Variants in FBXL2 observed in about 807,000 individuals in gnomAD.
FBXL2 encodes the protein F-box/LRR-repeat protein 2.
A neutral mutation model predicts 69.2 loss-of-function variants in FBXL2; 38 were observed. The ratio of observed to expected loss-of-function variants is 0.55; its 90% CI spans 0.42 to 0.72. FBXL2 has a LOEUF of 0.72. FBXL2 is among the 30% of genes least tolerant of loss of function. The pLI is 0.00. For missense variants in FBXL2, 354 were observed against 520.3 expected (o/e 0.68, Z 3.11); for synonymous variants, 192 against 201.3 (o/e 0.95, Z 0.39).
chr3:33,394,231 G>A (rs1340352640), intron 12 of FBXL2, among the ~76,000 whole-genome samples: 2 of 141,712 alleles, frequency 1.4e-5, no homozygotes, highest in Non-Finnish European at 3.2e-5. Context: ...ATTATTTGTA[G>A]AGACAGGGTT....
At chr3:33,352,372 G>A (rs906304439) in intron 2 of FBXL2, among the ~76,000 whole-genome samples, 1 of 152,102 alleles carries the variant, frequency 6.6e-6, no homozygotes, top group Non-Finnish European at 1.5e-5. Flanking sequence ...AAGAAGTGTA[G>A]GAGAAAATCT....
At chr3:33,407,057 G>A (rs2044446327), downstream of FBXL2, among the ~76,000 whole-genome samples, 1 of 152,170 alleles carries the variant, frequency 6.6e-6, no homozygotes, top group South Asian at 2.1e-4. Flanking sequence ...GGAGTTTGAA[G>A]AAACATATGA....
intron 5 of FBXL2, among the ~76,000 whole-genome samples, chr3:33,368,829 GCCTT>G (rs1279541213): frequency 1.3e-5 from 2 of 151,808 alleles, no homozygotes; most frequent in African/African-American, 4.8e-5. Flanking sequence ...CTTGTGATCC[GCCTT>G]CCTTGGCCTC....
chr3:33,392,552 A>G (rs933971940), downstream of FBXL2: 1 of 1,608,718 alleles, frequency 6.2e-7, no homozygotes, highest in Non-Finnish European at 8.5e-7. Context: ...ACACACACAC[A>G]TGCAAAGTAC....
At chr3:33,322,056 A>T (rs577238407) in intron 2 of FBXL2, among the ~76,000 whole-genome samples, 72 of 139,130 alleles carry the variant, frequency 5.2e-4, no homozygotes, top group African/African-American at 1.6e-3. Flanking sequence ...ACACGTGGTG[A>T]CTAGGTGATT....
At chr3:33,320,121 G>T (rs2038066850) in intron 2 of FBXL2, among the ~76,000 whole-genome samples, 1 of 152,126 alleles carries the variant, frequency 6.6e-6, no homozygotes, top group African/African-American at 2.4e-5. Flanking sequence ...TTAAAAAACT[G>T]ACTCTGAATG....
intron 2 of FBXL2, among the ~76,000 whole-genome samples, chr3:33,345,120 A>G (rs1320383228): frequency 6.6e-6 from 1 of 152,230 alleles, no homozygotes; most frequent in Non-Finnish European, 1.5e-5. Context: ...CACAAACTGG[A>G]TGACTTAAAA....
chr3:33,421,755 A>T, the FBXL2 span, among the ~76,000 whole-genome samples: 31 of 152,340 alleles, frequency 2.0e-4, no homozygotes, highest in African/African-American at 6.5e-4. Context: ...CTTCATCAAG[A>T]ATGACCATTT....
intron 2 of FBXL2, among the ~76,000 whole-genome samples, chr3:33,311,155 A>AT (rs1468788583): frequency 6.6e-6 from 1 of 152,158 alleles, no homozygotes; most frequent in East Asian, 1.9e-4. Flanking sequence ...TGATAAGTGT[A>AT]TTGAAGTTTC....
the FBXL2 span, chr3:33,409,392 C>T: frequency 2.5e-6 from 4 of 1,613,748 alleles, no homozygotes; most frequent in African/African-American, 2.7e-5. Context: ...TGCAGACACA[C>T]AGCTTTACAG....
intron 2 of FBXL2, among the ~76,000 whole-genome samples, chr3:33,329,388 C>G (rs1328017511): frequency 6.6e-6 from 1 of 152,002 alleles, no homozygotes; most frequent in Non-Finnish European, 1.5e-5. Context: ...AATAGAACTA[C>G]CATGTGATCC....
At chr3:33,399,512 C>A (rs759553755) in intron 12 of FBXL2, among the ~76,000 whole-genome samples, 1 of 152,124 alleles carries the variant, frequency 6.6e-6, no homozygotes, top group African/African-American at 2.4e-5. Context: ...AACACAACAA[C>A]TTAGGTGGCC....
chr3:33,355,087 A>G (rs1411060114), intron 2 of FBXL2, among the ~76,000 whole-genome samples: 1 of 152,004 alleles, frequency 6.6e-6, no homozygotes, highest in Non-Finnish European at 1.5e-5. Context: ...GCGTCACCAC[A>G]CCTGGCTAAT....
In FBXL2 at chr3:33,297,718, C is replaced by T. The variant is rs2125715536; in HGVS notation, c.58C>T (p.Leu20=). The T allele has an allele frequency of 6.4e-7, 1 of 1,560,338 alleles. No homozygotes were observed. Among genetic ancestry groups the T allele is most frequent in the African/African-American group, 1.4e-5 (1 of 72,990 alleles). Residue 20 remains leucine, a synonymous_variant, in exon 2 of 15, where the codon CTG becomes TTG. Transcript: ENST00000484457. ...LINKKLPKEL[L]LRIFSFLDIV... The stretch of plus-strand genomic sequence containing the variant: ...TAACAAAAAGTTACCCAAAGAACTT[C>T]TGTTAAGGTAAATGTAGATAAATTC...
At chr3:33,414,078 AGGTTG>A in the FBXL2 span, 3 of 142,590 alleles carry the variant, frequency 2.1e-5, no homozygotes, top group Non-Finnish European at 4.5e-5. Flanking sequence ...CCATTCTAGA[AGGTTG>A]GACTAAAATA....
chr3:33,344,697 G>C (rs1199295683), intron 2 of FBXL2, among the ~76,000 whole-genome samples: 2 of 152,088 alleles, frequency 1.3e-5, no homozygotes, highest in Admixed American at 6.6e-5. Flanking sequence ...ACTAAAGAAA[G>C]TGGTAGGAAA....
intron 1 of FBXL2, among the ~76,000 whole-genome samples, chr3:33,293,902 C>A (rs992606179): frequency 6.6e-6 from 1 of 152,128 alleles, no homozygotes; most frequent in African/African-American, 2.4e-5. Context: ...ACACTTAACC[C>A]AATCACACCA....
At chr3:33,352,047 G>A (rs2040862631) in intron 2 of FBXL2, among the ~76,000 whole-genome samples, 1 of 151,826 alleles carries the variant, frequency 6.6e-6, no homozygotes, top group Non-Finnish European at 1.5e-5. Context: ...AAAGTCAGAG[G>A]ACTGACACTA....
intron 11 of FBXL2, among the ~76,000 whole-genome samples, chr3:33,377,629 C>G (rs1233508836): frequency 6.6e-6 from 1 of 152,206 alleles, no homozygotes; most frequent in East Asian, 1.9e-4. Flanking sequence ...GCAGCTCCCC[C>G]TAACTGGGCT....
Sources: gnomAD v4.1 joint callset for allele counts (sites outside exome capture counted in the v4.1 genomes callset) on GRCh38, gnomAD v4.1.1 for gene constraint, MANE v1.5 for transcripts, NCBI Gene and HGNC (gene_info 2026-07-23, HGNC 2026-07-21) for gene names.